Variants in ITPR3 observed in about 807,000 individuals in gnomAD.
ITPR3 encodes inositol 1,4,5-trisphosphate receptor type 3.
In ITPR3, 173 loss-of-function variants were observed where a neutral mutation model predicts 293.2. The observed-to-expected ratio is 0.59, with a 90% CI of 0.52 to 0.67. ITPR3 has a LOEUF of 0.67. Among genes scored for constraint, ITPR3 ranks in the 30% least tolerant of loss-of-function variants. The pLI, the probability that ITPR3 is intolerant of heterozygous loss-of-function variation, is 0.00. For synonymous variants in ITPR3, 1,295 were observed against 1,444.4 expected (o/e 0.90, Z 2.35); for missense variants, 2,796 against 3,592.1 (o/e 0.78, Z 5.66).
At chr6:33,627,255 C>T (rs1402146203) in intron 1 of ITPR3, among the ~76,000 whole-genome samples, 1 of 151,998 alleles carries the variant, frequency 6.6e-6, no homozygotes, top group East Asian at 1.9e-4. Context: ...AATATACATT[C>T]CATGGAGAAA....
rs1384623426 is a variant in ITPR3 at position 33,633,163 on chromosome 6, G to A, written c.90-7321G>A. On this transcript the variant is annotated intron_variant, in intron 1 of 57. Coordinates refer to ENST00000605930, the MANE Select transcript of ITPR3 (RefSeq NM_002224.4). The surrounding 1 kb of genome is among the most constrained non-coding windows in gnomAD (Gnocchi z 5.2). ...ATGCCGGTGGTGGGCGTAGCGGGGC[G>A]TGGGCAGGGAACCACACGGGAGCCT... 6.6e-6 allele frequency among the ~76,000 whole-genome samples: 1 copy of A among 152,196 alleles called. No homozygotes were observed. Among genetic ancestry groups the A allele is most frequent in the Non-Finnish European group, 1.5e-5 (1 of 68,040 alleles).
chr6:33,687,054 G>A lies in ITPR3; in HGVS notation c.6025G>A (p.Asp2009Asn), dbSNP rs762664991. The change falls in exon 44 of 58, where the codon GAC becomes AAC. Residue 2009 changes from aspartate to asparagine, a missense_variant. By Grantham distance (23) the Asp-to-Asn change is conservative (BLOSUM62 1). Coordinates refer to ENST00000605930, the MANE Select transcript of ITPR3 (RefSeq NM_002224.4). The surrounding 1 kb of genome is among the most constrained non-coding windows in gnomAD (Gnocchi z 5.3). ...CCTGGCTCTGATGGAGAGCCGGCAT[G>A]ACAGTGAAAATGCTGAGCGAATCCT... is the stretch of plus-strand genomic sequence containing the variant. ...LLLALMESRH[D>N]SENAERILIS... 8.1e-6 allele frequency: 13 copies of A among 1,613,904 alleles called. No individual in the cohort carries two copies. Among genetic ancestry groups the A allele is most frequent in the Non-Finnish European group, 9.3e-6 (11 of 1,179,984 alleles).
In ITPR3 at chr6:33,677,359, C is replaced by A. The variant is rs1764934355; in HGVS notation, c.3523-145C>A. ...ATTGGTTTTTTTAGTGCTTCCCTAGCCTGTTGCAAGGGTCTGATTCAGCGC... is the reference window on the plus strand; with the variant it reads ...ATTGGTTTTTTTAGTGCTTCCCTAGACTGTTGCAAGGGTCTGATTCAGCGC... On this transcript the variant is annotated intron_variant, in intron 27 of 57. Coordinates refer to ENST00000605930, the MANE Select transcript of ITPR3 (RefSeq NM_002224.4). 1.6e-5 allele frequency: 17 copies of A among 1,090,208 alleles called. No homozygotes were observed. In the South Asian group the frequency reaches 2.5e-4, roughly 16 times the overall value. The allele number at this position is 1,090,208 out of a possible 1,614,324, so 67.5% of individuals were successfully genotyped here.
rs1156997749 is a variant in ITPR3, at chr6:33,672,680, G to T, written c.2928+452G>T. On this transcript the variant is annotated intron_variant, in intron 22 of 57. Coordinates refer to ENST00000605930, the MANE Select transcript of ITPR3 (RefSeq NM_002224.4). The surrounding 1 kb of genome is among the most constrained non-coding windows in gnomAD (Gnocchi z 5.0). ...GGGCTGTGTTGTGACAAACCCTCCA[G>T]GTGATTCTGAGGTGCACTGAAGTCT... Among the ~76,000 whole-genome samples the T allele has an allele frequency of 1.3e-5, 2 of 152,210 alleles. No individual in the cohort carries two copies. The highest frequency in any genetic ancestry group is 4.8e-5 in the African/African-American group (2 of 41,442).
chr6:33,694,610 T>TC (rs1765487218), intron 56 of ITPR3: 1 of 340,858 alleles, frequency 2.9e-6, no homozygotes. Flanking sequence ...GCAGAGGCCT[T>TC]CCTCCACCTC....
rs926384026 is a variant in ITPR3 at position 33,683,998 on chromosome 6, G to T, written c.4789-22G>T. On this transcript the variant is annotated intron_variant, in intron 35 of 57. Coordinates refer to ENST00000605930, the MANE Select transcript of ITPR3 (RefSeq NM_002224.4). The surrounding 1 kb of genome is among the most constrained non-coding windows in gnomAD (Gnocchi z 4.5). ...CGGGTCATTTCTTGGGCCTGGCAAT[G>T]ACTCTGCCCTGCCCACCCCAGGACA... 9 of 1,572,510 alleles carry T rather than the reference G, an allele frequency of 5.7e-6. No individual in the cohort carries two copies. Among genetic ancestry groups the T allele is most frequent in the African/African-American group, 1.4e-5 (1 of 74,072 alleles).
intron 2 of ITPR3, among the ~76,000 whole-genome samples, chr6:33,651,563 T>C (rs1764192878): frequency 6.6e-6 from 1 of 152,198 alleles, no homozygotes; most frequent in Non-Finnish European, 1.5e-5. Context: ...GGCCTGGGCA[T>C]GGACCTCTGA....
Position 33,669,131 on chromosome 6 carries a change from GA to G in ITPR3, c.2165del (p.Asp722AlafsTer12). On this transcript the variant is annotated frameshift_variant, in exon 18 of 58. Transcript: ENST00000605930. LOFTEE classifies it high-confidence loss of function. ...GGAGGCGCGGGCCGGCAACGCCCACGACGAGAATGTGCTCAGCTACTACAGG... is the reference window on the plus strand; with the variant it reads ...GGAGGCGCGGGCCGGCAACGCCCACGCGAGAATGTGCTCAGCTACTACAGG... ...AQEARAGNAH[D>X]ENVLSYYRYQ... 1 of 1,613,942 alleles carries G rather than the reference GA, an allele frequency of 6.2e-7. No individual in the cohort carries two copies. The highest frequency in any genetic ancestry group is 8.5e-7 in the Non-Finnish European group (1 of 1,179,944).
At position 33,695,084 on chromosome 6, in the gene ITPR3, A is replaced by C; in HGVS notation, c.7946A>C (p.Gln2649Pro). 1 of 1,613,530 alleles carries C rather than the reference A, an allele frequency of 6.2e-7. No individual in the cohort carries two copies. The highest frequency in any genetic ancestry group is 8.5e-7 in the Non-Finnish European group (1 of 1,179,896). ...GCCCAGCTCAACGAGCTCAAGGAGC[A>C]GGTGTGCACCCCGCCTGATCCCAGG... ...LTAQLNELKE[Q>P]MTEQRKRRQR... is the part of the protein sequence containing the mutation. The change falls in exon 57 of 58, where the codon CAG becomes CCG. Residue 2649 changes from glutamine to proline, a missense_variant and splice_region_variant. By Grantham distance (76) the Gln-to-Pro change is moderately conservative (BLOSUM62 -1). Coordinates refer to ENST00000605930, the MANE Select transcript of ITPR3 (RefSeq NM_002224.4).
At position 33,684,676 on chromosome 6, in the gene ITPR3, C is replaced by A; in HGVS notation, c.5125C>A (p.Pro1709Thr). 1 of 1,614,058 alleles carries A rather than the reference C, an allele frequency of 6.2e-7. No individual in the cohort carries two copies. The highest frequency in any genetic ancestry group is 1.1e-5 in the South Asian group (1 of 91,070). The stretch of plus-strand genomic sequence containing the variant: ...CACCTCGCGGGGGGACCTTCCCGAC[C>A]CCATAGGCACTGGTCAGTATCACCT... ...KSTSRGDLPD[P>T]IGTGLDPDWS... is the part of the protein sequence containing the mutation. Residue 1709 changes from proline (P) to threonine (T), a missense_variant, in exon 38 of 58, where the codon CCC becomes ACC. Around this residue, in one of 8 missense-constraint regions of ITPR3, gnomAD observed 704 missense variants for 797.5 expected, o/e 0.88. Transcript: ENST00000605930. This position sits in a 1 kb window ranked among gnomAD's most constrained non-coding sequence, Gnocchi z 4.2.
In ITPR3 at chr6:33,695,750, TG is replaced by T; in HGVS notation, c.7987del (p.Val2663TrpfsTer81). On this transcript the variant is annotated frameshift_variant, in exon 58 of 58. Coordinates refer to ENST00000605930, the MANE Select transcript of ITPR3 (RefSeq NM_002224.4). LOFTEE classifies it high-confidence loss of function. ...GGAAACGCAGGCAACGCCTAGGCTT[TG>T]TGGATGTCCAGAACTGCATTAGCCG... Reference protein sequence around the residue: ...QRKRRQRLGFVDVQNCISR With the variant: ...QRKRRQRLGFXDVQNCISR The T allele has an allele frequency of 1.9e-6, 3 of 1,614,162 alleles. No individual in the cohort carries two copies. Among genetic ancestry groups the T allele is most frequent in the Non-Finnish European group, 2.5e-6 (3 of 1,180,038 alleles).
chr6:33,650,922 G>A (rs1373700043), intron 2 of ITPR3, among the ~76,000 whole-genome samples: 1 of 151,954 alleles, frequency 6.6e-6, no homozygotes, highest in Non-Finnish European at 1.5e-5. Context: ...CCCTCGCGGT[G>A]TCTGGTTCCC....
In ITPR3 at chr6:33,667,004, C is replaced by A; in HGVS notation, c.1552-125C>A. ...GGGTTGTGGTCCAGCTTAGAATCAG[C>A]TCGAAGCTGATGTCCGGGCTGGCTT... On this transcript the variant is annotated intron_variant, in intron 14 of 57. Coordinates refer to ENST00000605930, the MANE Select transcript of ITPR3 (RefSeq NM_002224.4). This position sits in a 1 kb window ranked among gnomAD's most constrained non-coding sequence, Gnocchi z 4.4. 8.7e-7 allele frequency: 1 copy of A among 1,149,952 alleles called. No homozygotes were observed. Among genetic ancestry groups the A allele is most frequent in the Non-Finnish European group, 1.3e-6 (1 of 797,962 alleles). The allele number at this position is 1,149,952 out of a possible 1,614,324, so 71.2% of individuals were successfully genotyped here.
rs139139092 is a variant in ITPR3 at position 33,679,361 on chromosome 6, A to G, written c.3973-521A>G. On this transcript the variant is annotated intron_variant, in intron 30 of 57. Coordinates refer to ENST00000605930, the MANE Select transcript of ITPR3 (RefSeq NM_002224.4). This position sits in a 1 kb window ranked among gnomAD's most constrained non-coding sequence, Gnocchi z 4.2. ...GGAACAGACGTGGTCCCTGCCCCTG[A>G]GCATCTGACAGTGTAGGCGGCAGGG... Among the ~76,000 whole-genome samples the G allele has an allele frequency of 2.0e-5, 3 of 152,326 alleles. No individual in the cohort carries two copies. The highest frequency in any genetic ancestry group is 4.4e-5 in the Non-Finnish European group (3 of 68,026).
At chr6:33,647,017 A>C (rs1764085634) in intron 2 of ITPR3, among the ~76,000 whole-genome samples, 1 of 152,144 alleles carries the variant, frequency 6.6e-6, no homozygotes, top group Admixed American at 6.5e-5. Flanking sequence ...TGTCTTAAAT[A>C]TTAAAAAAGG....
chr6:33,664,083 C>T lies in ITPR3; in HGVS notation c.1148+203C>T, dbSNP rs1026946988. On this transcript the variant is annotated intron_variant, in intron 11 of 57. Coordinates refer to ENST00000605930, the MANE Select transcript of ITPR3 (RefSeq NM_002224.4). This position sits in a 1 kb window ranked among gnomAD's most constrained non-coding sequence, Gnocchi z 4.4. ...CATTGCATGCCTGCCTGGTGCCTGGCGCCTGCCCCAGTTGGTCTGGGTGCT... is the reference window on the plus strand; with the variant it reads ...CATTGCATGCCTGCCTGGTGCCTGGTGCCTGCCCCAGTTGGTCTGGGTGCT... 1.3e-5 allele frequency among the ~76,000 whole-genome samples: 2 copies of T among 152,186 alleles called. No individual in the cohort carries two copies. The highest frequency in any genetic ancestry group is 2.9e-5 in the Non-Finnish European group (2 of 68,042).
In ITPR3 at chr6:33,667,423, CGGGTTCA is replaced by C. The variant is rs1253146829; in HGVS notation, c.1713+134_1713+140del. The C allele has an allele frequency of 8.2e-7, 1 of 1,215,664 alleles. No individual in the cohort carries two copies. Among genetic ancestry groups the C allele is most frequent in the African/African-American group, 1.5e-5 (1 of 65,328 alleles). 75.3% of individuals were successfully genotyped at this position (1,215,664 alleles called of 1,614,324 possible). ...CCAGTAGGGCACCAGACAGCAGGGC[CGGGTTCA>C]TGGGAATGGGACCTGGCCCGGTGCT... On this transcript the variant is annotated intron_variant, in intron 15 of 57. Transcript: ENST00000605930. This position sits in a 1 kb window ranked among gnomAD's most constrained non-coding sequence, Gnocchi z 4.4.
intron 3 of ITPR3, among the ~76,000 whole-genome samples, chr6:33,657,407 G>A (rs1456465656): frequency 1.3e-5 from 2 of 152,222 alleles, no homozygotes; most frequent in Non-Finnish European, 2.9e-5. Context: ...ACTCAGGGAG[G>A]GCTGCCTGGA....
Position 33,621,444 on chromosome 6 carries a change from G to C in ITPR3, c.-159G>C. The C allele has an allele frequency of 1.6e-5, 8 of 490,312 alleles. No homozygotes were observed. The highest frequency in any genetic ancestry group is 2.5e-5 in the Non-Finnish European group (7 of 281,004). The allele number at this position is 490,312 out of a possible 1,614,324, so 30.4% of individuals were successfully genotyped here. On this transcript the variant is annotated 5_prime_UTR_variant, in exon 1 of 58. Transcript: ENST00000605930. The surrounding 1 kb of genome is among the most constrained non-coding windows in gnomAD (Gnocchi z 7.7). ...CCGGGCCCCGCCGAGCCGCCTCCTG[G>C]CTCCCGTGGCCGCCAGCCCGCCCCG...
Sources: allele counts gnomAD v4.1 joint callset (sites outside exome capture counted in the v4.1 genomes callset), GRCh38; gene constraint gnomAD v4.1.1; regional missense constraint gnomAD v4.1.1; non-coding constraint Gnocchi (gnomAD v3.1); transcripts MANE v1.5; gene names NCBI Gene and HGNC (gene_info 2026-07-23, HGNC 2026-07-21).